The following BMPR1B variants were observed in gnomAD, a reference collection of about 807,000 sequenced individuals.
The protein encoded by BMPR1B is bone morphogenetic protein receptor type 1B.
A neutral mutation model predicts 59.1 loss-of-function variants in BMPR1B; 12 were observed. The ratio of observed to expected loss-of-function variants is 0.20; its 90% CI spans 0.13 to 0.33. BMPR1B has a LOEUF of 0.33. Ranked by LOEUF, BMPR1B falls within the 10% of genes least tolerant of loss-of-function variation. The pLI is 1.00. For synonymous variants in BMPR1B, 237 were observed against 207.3 expected, an observed-to-expected ratio of 1.14 and a Z score of -1.23; for missense variants, 550 against 610.9, an observed-to-expected ratio of 0.90 and a Z score of 1.05.
chr4:95,023,048 T>A (rs1288553893), intron 3 of BMPR1B, among the ~76,000 whole-genome samples: 1 of 151,966 alleles, frequency 6.6e-6, no homozygotes, highest in Non-Finnish European at 1.5e-5. Flanking sequence ...ACAGTACATC[T>A]TTTTTTTACA....
intron 6 of BMPR1B, among the ~76,000 whole-genome samples, chr4:95,116,421 G>GCACACACACACACACACCCACACA (rs1732061472): frequency 8.1e-6 from 1 of 123,198 alleles, no homozygotes; most frequent in Non-Finnish European, 1.6e-5. Context: ...TTCAGCGCGC[G>GCACACACACACACACACCCACACA]CACACACACA....
chr4:94,928,111 A>G (rs557256694), intron 2 of BMPR1B, among the ~76,000 whole-genome samples: 2 of 151,922 alleles, frequency 1.3e-5, no homozygotes, highest in Admixed American at 6.6e-5. Context: ...GTCTCGTCAA[A>G]TGATTAAATA....
At chr4:95,105,562 T>A (rs1277118311) in intron 4 of BMPR1B, among the ~76,000 whole-genome samples, 3 of 152,056 alleles carry the variant, frequency 2.0e-5, no homozygotes, top group African/African-American at 7.2e-5. Context: ...ACCAGGGTAT[T>A]CCAAGAACCT....
intron 3 of BMPR1B, among the ~76,000 whole-genome samples, chr4:95,064,766 C>A (rs1455285144): frequency 6.6e-6 from 1 of 152,098 alleles, no homozygotes; most frequent in Non-Finnish European, 1.5e-5. Context: ...AAGTGGCTGA[C>A]AATCACATGA....
intron 3 of BMPR1B, among the ~76,000 whole-genome samples, chr4:95,071,264 C>G (rs1728255610): frequency 6.6e-6 from 1 of 152,032 alleles, no homozygotes; most frequent in Non-Finnish European, 1.5e-5. Context: ...AATTTCATTT[C>G]TCAAGGGAGC....
intron 3 of BMPR1B, among the ~76,000 whole-genome samples, chr4:95,055,473 G>C (rs780191441): frequency 6.6e-6 from 1 of 152,134 alleles, no homozygotes; most frequent in African/African-American, 2.4e-5. Context: ...TGAACTGTTA[G>C]ACCAACACAG....
chr4:94,858,722 G>T (rs1365534843), intron 1 of BMPR1B, among the ~76,000 whole-genome samples: 2 of 152,118 alleles, frequency 1.3e-5, no homozygotes, highest in Non-Finnish European at 2.9e-5. Flanking sequence ...GAAAAATGGG[G>T]CAGGTAGGCT....
At chr4:94,887,089 G>T (rs1408238374) in intron 2 of BMPR1B, among the ~76,000 whole-genome samples, 2 of 151,912 alleles carry the variant, frequency 1.3e-5, no homozygotes, top group Admixed American at 1.3e-4. Flanking sequence ...TGGGAAAGGA[G>T]AAAAGAAGGA....
At chr4:94,989,057 T>G (rs978642911) in intron 2 of BMPR1B, among the ~76,000 whole-genome samples, 1 of 152,142 alleles carries the variant, frequency 6.6e-6, no homozygotes, top group Non-Finnish European at 1.5e-5. Flanking sequence ...TACATAAATT[T>G]GTAGTATTCA....
At chr4:94,834,178 C>G (rs1322779283) in intron 1 of BMPR1B, among the ~76,000 whole-genome samples, 1 of 152,146 alleles carries the variant, frequency 6.6e-6, no homozygotes, top group Non-Finnish European at 1.5e-5. Flanking sequence ...AGGCACAGTT[C>G]TGCCTGTCTG....
At chr4:94,962,628 G>C (rs942832326) in intron 2 of BMPR1B, among the ~76,000 whole-genome samples, 1 of 151,910 alleles carries the variant, frequency 6.6e-6, no homozygotes, top group African/African-American at 2.4e-5. Flanking sequence ...ATGTCCTCCA[G>C]TTCCATCCAT....
intron 6 of BMPR1B, among the ~76,000 whole-genome samples, chr4:95,119,605 T>C (rs1732325393): frequency 6.6e-6 from 1 of 152,204 alleles, no homozygotes; most frequent in South Asian, 2.1e-4. Context: ...TTTTTACAAG[T>C]GCTATAATAT....
chr4:95,018,828 C>T (rs780849960), intron 3 of BMPR1B, among the ~76,000 whole-genome samples: 1 of 152,182 alleles, frequency 6.6e-6, no homozygotes, highest in African/African-American at 2.4e-5. Flanking sequence ...AGTTAATCTT[C>T]AAGTTCAGCT....
At chr4:94,784,976 T>C (rs1722712644) in intron 1 of BMPR1B, among the ~76,000 whole-genome samples, 1 of 152,208 alleles carries the variant, frequency 6.6e-6, no homozygotes, top group African/African-American at 2.4e-5. Flanking sequence ...CACCAGCAGC[T>C]GCTTGGAGGG....
At chr4:95,143,624 A>G (rs1734416309) in intron 10 of BMPR1B, among the ~76,000 whole-genome samples, 1 of 152,168 alleles carries the variant, frequency 6.6e-6, no homozygotes, top group South Asian at 2.1e-4. Context: ...CCATGCTGGC[A>G]TTTTCTATAT....
At chr4:94,944,402 C>T (rs1729629189) in intron 2 of BMPR1B, among the ~76,000 whole-genome samples, 1 of 152,158 alleles carries the variant, frequency 6.6e-6, no homozygotes, top group South Asian at 2.1e-4. Flanking sequence ...AACTACTTAA[C>T]ATTACATGCC....
chr4:94,902,838 G>A (rs1253413924), intron 2 of BMPR1B, among the ~76,000 whole-genome samples: 1 of 151,976 alleles, frequency 6.6e-6, no homozygotes, highest in Non-Finnish European at 1.5e-5. Context: ...ATGGTTGAGA[G>A]TGTAACCGGA....
At position 94,854,654 on chromosome 4, in the gene BMPR1B, C is replaced by T. The variant is rs141881056; in HGVS notation, c.-182-21177C>T. 2.5e-3 allele frequency among the ~76,000 whole-genome samples: 374 copies of T among 152,212 alleles called. 2 individuals are homozygous for T. The highest frequency in any genetic ancestry group is 8.5e-3 in the African/African-American group (351 of 41,536). ...TATTTTTCACTCTCATGAGTCCAGC[C>T]ATTCATTCAAGAGTCTTGAGGGACC... On this transcript the variant is annotated intron_variant, in intron 1 of 12. Transcript: ENST00000515059.
chr4:94,880,635 ATTTTTTT>A (rs35455973), intron 2 of BMPR1B, among the ~76,000 whole-genome samples: 1 of 125,262 alleles, frequency 8.0e-6, no homozygotes, highest in African/African-American at 3.2e-5. Context: ...ATTAAAATGA[ATTTTTTT>A]TTTTTTTTTT....
Sources: gnomAD v4.1 joint callset for allele counts (sites outside exome capture counted in the v4.1 genomes callset) on GRCh38, gnomAD v4.1.1 for gene constraint, MANE v1.5 for transcripts, NCBI Gene and HGNC (gene_info 2026-07-23, HGNC 2026-07-21) for gene names.